ABCA9: variants seen among roughly 807,000 people sequenced by gnomAD.
ABCA9 encodes the protein ATP binding cassette subfamily A member 9.
Under a neutral mutation model 205.3 loss-of-function variants are expected in ABCA9, and 183 were observed. The ratio of observed to expected loss-of-function variants is 0.89; its 90% CI spans 0.79 to 1.01. The LOEUF is 1.01. ABCA9 is among the 50% of genes least tolerant of loss of function. ABCA9 has a pLI of 0.00. For missense variants in ABCA9, 1,805 were observed against 1,912.4 expected, an observed-to-expected ratio of 0.94 and a Z score of 1.05; for synonymous variants, 651 against 683.3, an observed-to-expected ratio of 0.95 and a Z score of 0.74.
Position 69,056,720 on chromosome 17 carries a change from A to G in ABCA9, c.-14+4146T>C, listed in dbSNP as rs144861571. On this transcript the variant is annotated intron_variant, in intron 1 of 38. Coordinates refer to ENST00000340001, the MANE Select transcript of ABCA9 (RefSeq NM_080283.4). ...TCCTTCATCCCCTGGGATATTTACA[A>G]AAGCCTACTTCATAAGGTGAAGCCT... Among the ~76,000 whole-genome samples, 170 of 152,350 alleles carry G rather than the reference A, an allele frequency of 1.1e-3. 1 individual carries two copies. Among genetic ancestry groups the G allele is most frequent in the Non-Finnish European group, 1.6e-3 (110 of 68,028 alleles).
chr17:69,077,612 T>G, the ABCA9 span, among the ~76,000 whole-genome samples: 1 of 152,220 alleles, frequency 6.6e-6, no homozygotes, highest in Admixed American at 6.5e-5. Flanking sequence ...TGTTGAAGTT[T>G]CCTACTACCA....
intron 21 of ABCA9, 150 bp downstream of exon 21, chr17:69,017,505 GA>G: frequency 1.2e-6 from 1 of 809,934 alleles, no homozygotes; most frequent in Non-Finnish European, 1.9e-6. Flanking sequence ...AGGCTATGGG[GA>G]AATAATTGTA....
At chr17:68,997,864 G>C (rs2069686335) in intron 25 of ABCA9, among the ~76,000 whole-genome samples, 2 of 152,004 alleles carry the variant, frequency 1.3e-5, no homozygotes, top group Non-Finnish European at 2.9e-5. Context: ...CTATAGGTTT[G>C]GACAAATTTT....
chr17:69,031,468 G>A (rs989108023), intron 10 of ABCA9, among the ~76,000 whole-genome samples: 1 of 152,236 alleles, frequency 6.6e-6, no homozygotes. Context: ...TTACTGAGGA[G>A]TGAGATGAAT....
intron 37 of ABCA9, among the ~76,000 whole-genome samples, chr17:68,981,815 G>A (rs1024651591): frequency 4.1e-5 from 4 of 96,724 alleles, no homozygotes; most frequent in Non-Finnish European, 7.6e-5. Context: ...CCAGCCTGGC[G>A]ACAAAGGAAA....
intron 11 of ABCA9, among the ~76,000 whole-genome samples, 167 bp downstream of exon 11, chr17:69,029,002 T>TA (rs1399551192): frequency 3.3e-5 from 5 of 151,072 alleles, no homozygotes; most frequent in Admixed American, 2.0e-4. Context: ...ATGATACTTT[T>TA]AAAAATTGTT....
intron 31 of ABCA9, among the ~76,000 whole-genome samples, chr17:68,987,124 C>T (rs1009310026): frequency 2.6e-5 from 4 of 152,114 alleles, no homozygotes; most frequent in African/African-American, 9.7e-5. Context: ...TTACAGAACC[C>T]CTGTATGTGT....
intron 1 of ABCA9, among the ~76,000 whole-genome samples, chr17:69,057,796 A>T (rs758149069): frequency 6.6e-6 from 1 of 152,200 alleles, no homozygotes; most frequent in African/African-American, 2.4e-5. Context: ...TGCTCAGAAA[A>T]AAAGGATGGC....
At chr17:69,020,144 C>T (rs990962806) in intron 19 of ABCA9, 6 of 422,408 alleles carry the variant, frequency 1.4e-5, no homozygotes, top group Non-Finnish European at 2.1e-5. Context: ...AGAACTACTT[C>T]AACCCATTGG....
intron 37 of ABCA9, among the ~76,000 whole-genome samples, chr17:68,977,296 GA>G (rs1415336152): frequency 6.6e-6 from 1 of 152,108 alleles, no homozygotes; most frequent in Non-Finnish European, 1.5e-5. Flanking sequence ...GGGGGGGAAA[GA>G]AAGTCATCAA....
rs1285542886 is a variant in ABCA9, at chr17:69,021,801, A to C, written c.2342T>G (p.Ile781Arg). 12 of 1,598,090 alleles carry C rather than the reference A, an allele frequency of 7.5e-6. No individual in the cohort carries two copies. Among genetic ancestry groups the C allele is most frequent in the Non-Finnish European group, 1.0e-5 (12 of 1,171,702 alleles). The change falls in exon 18 of 39, where the codon ATA becomes AGA. Residue 781 changes from isoleucine (I) to arginine (R), a missense_variant. Ile to Arg is a moderately conservative substitution (Grantham distance 97). Coordinates refer to ENST00000340001, the MANE Select transcript of ABCA9 (RefSeq NM_080283.4). ...NQGIEDYGVSITTLNEVFLKL... is the reference protein window; with the variant it reads ...NQGIEDYGVSRTTLNEVFLKL... Reference sequence around the variant, plus strand: ...CAGAAACACCTCATTCAAAGTTGTTATGGAAACACCATAATCCTCAATGCC... The same window carrying C: ...CAGAAACACCTCATTCAAAGTTGTTCTGGAAACACCATAATCCTCAATGCC...
chr17:69,065,329 C>T (rs2072335948), upstream of ABCA9, among the ~76,000 whole-genome samples: 1 of 152,182 alleles, frequency 6.6e-6, no homozygotes, highest in African/African-American at 2.4e-5. Flanking sequence ...TGTGTCTATC[C>T]TTTGCTTATC....
chr17:69,039,788 G>C (rs893012973), intron 6 of ABCA9, among the ~76,000 whole-genome samples: 4 of 151,996 alleles, frequency 2.6e-5, no homozygotes, highest in Non-Finnish European at 4.4e-5. Flanking sequence ...ATGGGAGAAA[G>C]TTTTTGCAGT....
At chr17:69,055,707 G>A (rs911727555) in intron 1 of ABCA9, among the ~76,000 whole-genome samples, 7 of 152,024 alleles carry the variant, frequency 4.6e-5, no homozygotes, top group Non-Finnish European at 1.0e-4. Flanking sequence ...ATAACAGCAG[G>A]AAATTCATCC....
At chr17:69,051,189 AAAACATTGTGCAATCAAACATAAAAG>A (rs2071891029) in intron 1 of ABCA9, 50 bp from the exon 2 acceptor site, 1 of 1,521,096 alleles carries the variant, frequency 6.6e-7, no homozygotes, top group East Asian at 2.3e-5. Context: ...TCTAAAGTAG[AAAACATTGTGCAATCAAACATAAAAG>A]AAACATTGTA....
chr17:69,006,335 C>A (rs1435694073), intron 25 of ABCA9, among the ~76,000 whole-genome samples: 1 of 152,124 alleles, frequency 6.6e-6, no homozygotes, highest in African/African-American at 2.4e-5. Flanking sequence ...CATACAAGAA[C>A]AAGAAAGTTC....
the ABCA9 span, among the ~76,000 whole-genome samples, chr17:69,068,812 T>C: frequency 6.6e-6 from 1 of 152,168 alleles, no homozygotes; most frequent in African/African-American, 2.4e-5. Flanking sequence ...TTGTGCAAAC[T>C]AATGATGATA....
intron 25 of ABCA9, among the ~76,000 whole-genome samples, chr17:68,999,315 C>A (rs868537301): frequency 5.1e-4 from 66 of 128,666 alleles, no homozygotes; most frequent in Middle Eastern, 3.6e-3. Context: ...TGTGATGTTC[C>A]CCTTCCTGTG....
rs1305294567 is a variant in ABCA9, at chr17:68,993,038, A to G, written c.3602T>C (p.Ile1201Thr). The change falls in exon 27 of 39, where the codon ATT becomes ACT. Residue 1201 changes from isoleucine to threonine, a missense_variant. By Grantham distance (89) the Ile-to-Thr change is moderately conservative (BLOSUM62 -1). Coordinates refer to ENST00000340001, the MANE Select transcript of ABCA9 (RefSeq NM_080283.4). ...MDYLGASESE[I>T]VYLALLIPYL... Reference sequence around the variant, plus strand: ...TACTATTAGCAGTGCCAGGTATACAATTTCAGATTCTGAAGCTCCTAAGTA... The same window carrying G: ...TACTATTAGCAGTGCCAGGTATACAGTTTCAGATTCTGAAGCTCCTAAGTA... The G allele has an allele frequency of 2.5e-6, 4 of 1,613,800 alleles. No individual in the cohort carries two copies. Among genetic ancestry groups the G allele is most frequent in the Non-Finnish European group, 2.5e-6 (3 of 1,179,836 alleles).
Sources: gnomAD v4.1 joint callset for allele counts (sites outside exome capture counted in the v4.1 genomes callset) on GRCh38, gnomAD v4.1.1 for gene constraint, MANE v1.5 for transcripts, NCBI Gene and HGNC (gene_info 2026-07-23, HGNC 2026-07-21) for gene names.